The following ANKIB1 variants were observed in gnomAD, a reference collection of about 807,000 sequenced individuals.
The protein encoded by ANKIB1 is ankyrin repeat and IBR domain containing 1.
ANKIB1 carries 43 observed loss-of-function variants against 122.1 expected under a neutral mutation model. The ratio of observed to expected loss-of-function variants is 0.35; its 90% CI spans 0.28 to 0.45. The LOEUF is 0.45. Among genes scored for constraint, ANKIB1 ranks in the 20% least tolerant of loss-of-function variants. The pLI is 1.00. For missense variants in ANKIB1, 992 were observed against 1,329.5 expected, an observed-to-expected ratio of 0.75 and a Z score of 3.95; for synonymous variants, 390 against 442.0, an observed-to-expected ratio of 0.88 and a Z score of 1.48.
chr7:92,344,657 T>A (rs977792281), intron 6 of ANKIB1, among the ~76,000 whole-genome samples: 1 of 152,140 alleles, frequency 6.6e-6, no homozygotes, highest in Non-Finnish European at 1.5e-5. Flanking sequence ...TTGCAACATG[T>A]AATTTGATGT....
chr7:92,266,738 C>T (rs1393333215), intron 1 of ANKIB1, among the ~76,000 whole-genome samples: 2 of 152,088 alleles, frequency 1.3e-5, no homozygotes, highest in Non-Finnish European at 2.9e-5. Flanking sequence ...AAGCCATCCC[C>T]CAGGATCCCA....
At chr7:92,315,157 A>C (rs1802769810) in intron 3 of ANKIB1, among the ~76,000 whole-genome samples, 2 of 152,246 alleles carry the variant, frequency 1.3e-5, no homozygotes, top group African/African-American at 2.4e-5. Context: ...TTTTTAAATA[A>C]GATGGGCATG....
intron 18 of ANKIB1, 135 bp downstream of exon 18, chr7:92,396,611 A>C (rs1804898838): frequency 1.7e-6 from 1 of 601,170 alleles, no homozygotes; most frequent in African/African-American, 1.9e-5. Flanking sequence ...CTGTTGTGAC[A>C]GGACACAGAA....
At chr7:92,257,450 G>T (rs1235030864) in intron 1 of ANKIB1, among the ~76,000 whole-genome samples, 1 of 152,150 alleles carries the variant, frequency 6.6e-6, no homozygotes, top group Non-Finnish European at 1.5e-5. Flanking sequence ...AGAATTGGTG[G>T]TTTTTGATTA....
At chr7:92,377,234 G>A (rs1487308285) in intron 11 of ANKIB1, among the ~76,000 whole-genome samples, 1 of 151,996 alleles carries the variant, frequency 6.6e-6, no homozygotes, top group African/African-American at 2.4e-5. Flanking sequence ...TTTTAATATT[G>A]TTGTGTCTTA....
At chr7:92,390,719 C>T (rs1244113927) in intron 15 of ANKIB1, among the ~76,000 whole-genome samples, 1 of 152,162 alleles carries the variant, frequency 6.6e-6, no homozygotes, top group Non-Finnish European at 1.5e-5. Context: ...TAAAGCCTTC[C>T]ACACTTGACC....
chr7:92,399,661 T>A lies in ANKIB1; in HGVS notation c.*712T>A, dbSNP rs1393753895. On this transcript the variant is annotated 3_prime_UTR_variant, in exon 20 of 20. Transcript: ENST00000265742. The stretch of plus-strand genomic sequence containing the variant: ...CTCGGGAGTAAAAGGTGCCACTTGG[T>A]AGCAATGATATTCCAGAATTAAATG... 1.3e-5 allele frequency: 2 copies of A among 152,216 alleles called. No individual in the cohort carries two copies. The highest frequency in any genetic ancestry group is 2.9e-5 in the Non-Finnish European group (2 of 68,046). 9.4% of individuals were successfully genotyped at this position (152,216 alleles called of 1,614,324 possible). A position where few individuals can be genotyped will look rare whatever the true frequency, so the allele number is the denominator to read the frequency against.
chr7:92,292,279 T>G (rs572811311), intron 1 of ANKIB1, among the ~76,000 whole-genome samples: 1 of 152,166 alleles, frequency 6.6e-6, no homozygotes, highest in Admixed American at 6.5e-5. Context: ...GAAACAGATA[T>G]GAAAATAACT....
chr7:92,247,968 G>A (rs774685608), intron 1 of ANKIB1, among the ~76,000 whole-genome samples: 1 of 152,214 alleles, frequency 6.6e-6, no homozygotes, highest in Non-Finnish European at 1.5e-5. Flanking sequence ...TTAATTTGAA[G>A]TAGGCTCAGG....
At chr7:92,324,783 A>C (rs1802989598) in intron 4 of ANKIB1, among the ~76,000 whole-genome samples, 1 of 152,200 alleles carries the variant, frequency 6.6e-6, no homozygotes, top group Non-Finnish European at 1.5e-5. Flanking sequence ...TTCTTAATTT[A>C]GTCTTTTCCT....
At chr7:92,265,463 T>C (rs73407596) in intron 1 of ANKIB1, among the ~76,000 whole-genome samples, 5,189 of 152,288 alleles carry the variant, frequency 0.034, 257 homozygotes, top group African/African-American at 0.11. Flanking sequence ...CCAGTGTAGC[T>C]GGAGCATACT....
chr7:92,357,481 TC>T (rs1803841555), intron 9 of ANKIB1, among the ~76,000 whole-genome samples: 2 of 152,104 alleles, frequency 1.3e-5, no homozygotes, highest in Admixed American at 1.3e-4. Context: ...ACGGGTATAA[TC>T]CCAGCATTTT....
intron 2 of ANKIB1, among the ~76,000 whole-genome samples, chr7:92,297,039 G>A (rs1348866616): frequency 6.6e-6 from 1 of 152,128 alleles, no homozygotes; most frequent in African/African-American, 2.4e-5. Flanking sequence ...AGCATATCAT[G>A]CTGATATAAT....
intron 5 of ANKIB1, among the ~76,000 whole-genome samples, chr7:92,329,452 C>A (rs1429234816): frequency 3.3e-5 from 5 of 152,136 alleles, no homozygotes; most frequent in African/African-American, 7.2e-5. Context: ...GTGTTGTGAA[C>A]AAGTCTACCA....
intron 7 of ANKIB1, among the ~76,000 whole-genome samples, chr7:92,347,429 T>C (rs1413753275): frequency 2.0e-5 from 3 of 152,120 alleles, no homozygotes; most frequent in Non-Finnish European, 4.4e-5. Flanking sequence ...TTTAAAGTAT[T>C]GATGCCAAGG....
intron 4 of ANKIB1, among the ~76,000 whole-genome samples, chr7:92,322,125 T>C (rs189680828): frequency 6.6e-6 from 1 of 152,314 alleles, no homozygotes; most frequent in Admixed American, 6.5e-5. Flanking sequence ...AAACAGAAAT[T>C]TTTACTGTAA....
rs3042461 is a variant in ANKIB1, at chr7:92,311,724, C to CCA, written c.486+4083_486+4084dup. Among the ~76,000 whole-genome samples the CCA allele has an allele frequency of 1.4e-3, 217 of 150,094 alleles. 2 individuals carry two copies. In the East Asian group the frequency reaches 0.019, roughly 13 times the overall value. On this transcript the variant is annotated intron_variant, in intron 3 of 19. Coordinates refer to ENST00000265742, the MANE Select transcript of ANKIB1 (RefSeq NM_019004.2). ...TTATGTTCTGTAATAAGCGCCCCCCCCACACACACACACACAGAACATAAA... is the reference window on the plus strand; with the variant it reads ...TTATGTTCTGTAATAAGCGCCCCCCCCACACACACACACACACAGAACATAAA...
intron 3 of ANKIB1, among the ~76,000 whole-genome samples, chr7:92,309,923 T>TAAAAAAAA (rs869276384): frequency 6.8e-4 from 65 of 96,028 alleles, no homozygotes; most frequent in African/African-American, 2.6e-3. Flanking sequence ...AGACTCCATC[T>TAAAAAAAA]AAAAAAAAAA....
chr7:92,262,817 A>G (rs1801592309), intron 1 of ANKIB1, among the ~76,000 whole-genome samples: 1 of 152,204 alleles, frequency 6.6e-6, no homozygotes, highest in Non-Finnish European at 1.5e-5. Flanking sequence ...GATTCTAGGC[A>G]AGTTAATTAG....
Sources: allele counts gnomAD v4.1 joint callset (sites outside exome capture counted in the v4.1 genomes callset), GRCh38; gene constraint gnomAD v4.1.1; transcripts MANE v1.5; gene names NCBI Gene and HGNC (gene_info 2026-07-23, HGNC 2026-07-21).